Variants in MAST4 observed in about 807,000 individuals in gnomAD.
MAST4 encodes the protein microtubule associated serine/threonine kinase family member 4, also known as microtubule-associated serine/threonine-protein kinase 4.
Under a neutral mutation model 162.7 loss-of-function variants are expected in MAST4, and 89 were observed. That is an observed-to-expected ratio of 0.55 (90% confidence interval 0.46 to 0.65). The LOEUF is 0.65. Among genes scored for constraint, MAST4 ranks in the 30% least tolerant of loss-of-function variants. The pLI, the probability that MAST4 is intolerant of heterozygous loss-of-function variation, is 0.00. For missense variants in MAST4, 3,153 were observed against 3,374.0 expected, an observed-to-expected ratio of 0.93 and a Z score of 1.62; for synonymous variants, 1,479 against 1,361.1, an observed-to-expected ratio of 1.09 and a Z score of -1.91.
intron 6 of MAST4, chr5:67,094,030 G>T: frequency 3.9e-6 from 2 of 517,494 alleles, no homozygotes; most frequent in South Asian, 4.6e-5. Flanking sequence ...ATTTTCAGTT[G>T]TTTAAAAGTA....
At chr5:67,012,998 C>T (rs766355670) in intron 4 of MAST4, among the ~76,000 whole-genome samples, 64 of 152,222 alleles carry the variant, frequency 4.2e-4, no homozygotes, top group Non-Finnish European at 8.1e-4. Flanking sequence ...GAAGAATAGG[C>T]AGTCATTACT....
At chr5:67,124,757 A>T (rs1362902214) in intron 14 of MAST4, among the ~76,000 whole-genome samples, 1 of 152,246 alleles carries the variant, frequency 6.6e-6, no homozygotes, top group Non-Finnish European at 1.5e-5. Flanking sequence ...TTGTAAGTAC[A>T]TCATAGCAAG....
intron 13 of MAST4, among the ~76,000 whole-genome samples, chr5:67,120,583 G>C (rs187969858): frequency 6.6e-6 from 1 of 152,170 alleles, no homozygotes; most frequent in East Asian, 1.9e-4. Context: ...CTGCTTTTCT[G>C]AGCAATGAAG....
At chr5:67,016,948 T>C (rs897288230) in intron 4 of MAST4, among the ~76,000 whole-genome samples, 3 of 152,232 alleles carry the variant, frequency 2.0e-5, no homozygotes, top group African/African-American at 7.2e-5. Flanking sequence ...AGAAAATATC[T>C]GTTGGGAGAT....
intron 18 of MAST4, among the ~76,000 whole-genome samples, chr5:67,135,209 G>A (rs1347583584): frequency 1.3e-5 from 2 of 152,174 alleles, no homozygotes; most frequent in Non-Finnish European, 2.9e-5. Context: ...GATTTCATTG[G>A]TAGTTGTTAT....
At chr5:66,966,961 T>A (rs929040018) in intron 4 of MAST4, among the ~76,000 whole-genome samples, 3 of 152,186 alleles carry the variant, frequency 2.0e-5, no homozygotes, top group African/African-American at 7.2e-5. Flanking sequence ...GGTAGAGATA[T>A]CTGGTTGGCA....
chr5:66,914,672 T>C (rs1404432014), intron 4 of MAST4, among the ~76,000 whole-genome samples: 7 of 152,186 alleles, frequency 4.6e-5, no homozygotes, highest in Non-Finnish European at 1.0e-4. Context: ...CTACATTGCC[T>C]GAGTCTGATA....
chr5:66,664,006 A>G (rs1254367258), intron 1 of MAST4, among the ~76,000 whole-genome samples: 2 of 152,156 alleles, frequency 1.3e-5, no homozygotes, highest in African/African-American at 2.4e-5. Flanking sequence ...CATTTTGAAG[A>G]TGAATTCAAA....
intron 4 of MAST4, among the ~76,000 whole-genome samples, chr5:67,034,751 GA>G (rs1249584401): frequency 6.6e-6 from 1 of 152,112 alleles, no homozygotes; most frequent in Non-Finnish European, 1.5e-5. Flanking sequence ...GCTCCAAAAG[GA>G]GTGAATATAT....
intron 1 of MAST4, among the ~76,000 whole-genome samples, chr5:66,639,593 T>C (rs182175493): frequency 6.6e-6 from 1 of 152,090 alleles, no homozygotes; most frequent in Non-Finnish European, 1.5e-5. Context: ...AGCTCCAAAA[T>C]GTTTCAAATG....
At chr5:66,715,831 A>T (rs1191026323) in intron 1 of MAST4, among the ~76,000 whole-genome samples, 1 of 151,728 alleles carries the variant, frequency 6.6e-6, no homozygotes, top group Non-Finnish European at 1.5e-5. Context: ...AAATTATCCT[A>T]TCCATCTCAT....
chr5:67,131,843 T>C lies in MAST4; in HGVS notation c.1985T>C (p.Met662Thr). The C allele has an allele frequency of 6.2e-7, 1 of 1,613,222 alleles. No homozygotes were observed. The highest frequency in any genetic ancestry group is 8.5e-7 in the Non-Finnish European group (1 of 1,179,334). ...GGDCATLMKN[M>T]GPLPVDMARM... Reference sequence around the variant, plus strand: ...GACTGTGCTACTTTAATGAAAAACATGGGTCCTCTCCCTGTTGATATGGCC... The same window carrying C: ...GACTGTGCTACTTTAATGAAAAACACGGGTCCTCTCCCTGTTGATATGGCC... The change falls in exon 16 of 29, where the codon ATG (methionine) becomes ACG (threonine). Residue 662 changes from methionine to threonine, a missense_variant. Met to Thr is a moderately conservative substitution (Grantham distance 81, BLOSUM62 -1). This residue lies in a region of MAST4 where 131 missense variants were observed against 253.8 expected (regional missense o/e 0.52). Transcript: ENST00000403625.
chr5:66,893,666 C>A (rs1342644811), intron 3 of MAST4, among the ~76,000 whole-genome samples: 1 of 152,122 alleles, frequency 6.6e-6, no homozygotes, highest in African/African-American at 2.4e-5. Context: ...TCACATTTCC[C>A]ACAAGGATTT....
intron 4 of MAST4, among the ~76,000 whole-genome samples, chr5:67,019,782 G>T (rs1753752806): frequency 6.6e-6 from 1 of 152,154 alleles, no homozygotes; most frequent in African/African-American, 2.4e-5. Context: ...TCTATCCGGG[G>T]AATTACTTTT....
intron 5 of MAST4, among the ~76,000 whole-genome samples, chr5:67,071,663 G>A (rs1407929821): frequency 6.6e-6 from 1 of 152,212 alleles, no homozygotes; most frequent in Admixed American, 6.5e-5. Context: ...AGGAGACTGA[G>A]GCAGGAGAAT....
chr5:67,100,875 A>C (rs971497892), intron 8 of MAST4, among the ~76,000 whole-genome samples: 12 of 152,352 alleles, frequency 7.9e-5, no homozygotes, highest in Admixed American at 7.8e-4. Flanking sequence ...ATTTCAAGGC[A>C]GTGCAAAAGC....
At chr5:66,837,023 C>CGTGTGTGTGTGTGTGTGTGTGTGTGT (rs544483226) in intron 3 of MAST4, among the ~76,000 whole-genome samples, 1,963 of 144,570 alleles carry the variant, frequency 0.014, 70 homozygotes, top group East Asian at 0.05. Context: ...CATGCAGGAT[C>CGTGTGTGTGTGTGTGTGTGTGTGTGT]ATGTGTGTGT....
At chr5:66,663,609 CTG>C (rs1161597318) in intron 1 of MAST4, among the ~76,000 whole-genome samples, 1 of 152,040 alleles carries the variant, frequency 6.6e-6, no homozygotes, top group Non-Finnish European at 1.5e-5. Flanking sequence ...GTGCACAGCC[CTG>C]AAAGGAGCAT....
At chr5:66,789,314 C>T (rs1755273946) in intron 3 of MAST4, among the ~76,000 whole-genome samples, 2 of 152,114 alleles carry the variant, frequency 1.3e-5, no homozygotes, top group African/African-American at 2.4e-5. Context: ...ATGACTGATA[C>T]AGTCCAGTTA....
Sources: allele counts gnomAD v4.1 joint callset (sites outside exome capture counted in the v4.1 genomes callset), GRCh38; gene constraint gnomAD v4.1.1; regional missense constraint gnomAD v4.1.1; transcripts MANE v1.5; gene names NCBI Gene and HGNC (gene_info 2026-07-23, HGNC 2026-07-21).